NOC2L: variants seen among roughly 807,000 people sequenced by gnomAD.
The protein encoded by NOC2L is nucleolar complex protein 2 homolog.
A neutral mutation model predicts 94.2 loss-of-function variants in NOC2L; 101 were observed. The observed-to-expected ratio is 1.07, with a 90% CI of 0.91 to 1.26. The LOEUF (loss-of-function observed/expected upper bound fraction) is 1.26. NOC2L is among the 50% of genes most tolerant of loss of function. The pLI, the probability that NOC2L is intolerant of heterozygous loss-of-function variation, is 0.00. For synonymous variants in NOC2L, 531 were observed against 413.4 expected (o/e 1.28, Z -3.45); for missense variants, 1,076 against 980.1 (o/e 1.10, Z -1.31).
At position 959,059 on chromosome 1, in the gene NOC2L, C is replaced by T. The variant is rs1198406858; in HGVS notation, c.49G>A (p.Asp17Asn). The T allele has an allele frequency of 1.2e-6, 2 of 1,609,510 alleles. No individual in the cohort carries two copies. The highest frequency in any genetic ancestry group is 2.7e-5 in the African/African-American group (2 of 74,894). ...TCAAAGCCCGAAGCTAGGAACTCGT[C>T]CACCGTCAGCTCCGCCAGGCGCCTG... ...RKRRLAELTV[D>N]EFLASGFDSE... The change falls in exon 2 of 19, where the codon GAC becomes AAC. Residue 17 changes from aspartate (D) to asparagine (N), a missense_variant. Around this residue, in one of 3 missense-constraint regions of NOC2L, gnomAD observed 457 missense variants for 386.0 expected, o/e 1.18. Coordinates refer to ENST00000327044, the MANE Select transcript of NOC2L (RefSeq NM_015658.4).
At chr1:947,171 A>T (rs1387476250) in intron 14 of NOC2L, 1 of 152,326 alleles carries the variant, frequency 6.6e-6, no homozygotes, top group Non-Finnish European at 1.5e-5. Flanking sequence ...AGCCACGTTT[A>T]CCATTTGGCC....
rs754362257 is a variant in NOC2L, at chr1:953,827, C to A, written c.843G>T (p.Val281=). ...GCTTGGGGAAGGTCAGGAAGCAGGG[C>A]ACCAGCACGCTGATGTGCCGCAGCA... The part of the protein sequence containing the change: ...AAVLRHISVL[V]PCFLTFPKQC... The change falls in exon 8 of 19, where the codon GTG becomes GTT. Residue 281 remains valine, a synonymous_variant. Coordinates refer to ENST00000327044, the MANE Select transcript of NOC2L (RefSeq NM_015658.4). The A allele has an allele frequency of 6.2e-7, 1 of 1,613,078 alleles. No homozygotes were observed. Among genetic ancestry groups the A allele is most frequent in the Non-Finnish European group, 8.5e-7 (1 of 1,180,016 alleles).
intron 16 of NOC2L, 66 bp from the exon 17 acceptor site, chr1:945,719 A>G (rs1642087811): frequency 6.2e-7 from 1 of 1,604,840 alleles, no homozygotes; most frequent in African/African-American, 1.3e-5. Context: ...CAGCAGGGCC[A>G]GGCATCGCCA....
Position 956,030 on chromosome 1 carries a change from T to C in NOC2L, c.608-17A>G, listed in dbSNP as rs1230415134. On this transcript the variant is annotated splice_polypyrimidine_tract_variant and intron_variant, in intron 5 of 18. Coordinates refer to ENST00000327044, the MANE Select transcript of NOC2L (RefSeq NM_015658.4). ...CATTGAATGCTGCAACGAAAAGGCC[T>C]GGATGTACTCACGGGACAGAGAACG... is the stretch of plus-strand genomic sequence containing the variant. The C allele has an allele frequency of 1.2e-6, 2 of 1,614,000 alleles. No individual in the cohort carries two copies. Among genetic ancestry groups the C allele is most frequent in the South Asian group, 2.2e-5 (2 of 91,074 alleles).
intron 6 of NOC2L, 98 bp from the exon 7 acceptor site, chr1:954,180 C>T (rs774542619): frequency 2.2e-4 from 251 of 1,157,566 alleles, no homozygotes; most frequent in Non-Finnish European, 2.9e-4. Flanking sequence ...ATAGCCTCTA[C>T]GACTCTGCAG....
intron 12 of NOC2L, among the ~76,000 whole-genome samples, chr1:950,103 TGCACAG>T (rs1215237862): frequency 1.3e-5 from 2 of 151,996 alleles, no homozygotes; most frequent in Non-Finnish European, 2.9e-5. Flanking sequence ...GGCGCACACA[TGCACAG>T]GCACACACGT....
chr1:950,273 G>A (rs781040621), intron 12 of NOC2L, among the ~76,000 whole-genome samples: 5 of 151,402 alleles, frequency 3.3e-5, no homozygotes, highest in African/African-American at 4.9e-5. Context: ...ACACAGACAC[G>A]TGTGTATGCA....
At chr1:955,741 A>C (rs1642383831) in intron 6 of NOC2L, among the ~76,000 whole-genome samples, 182 bp downstream of exon 6, 1 of 152,164 alleles carries the variant, frequency 6.6e-6, no homozygotes, top group African/African-American at 2.4e-5. Flanking sequence ...GGCCGCTCCA[A>C]CTGGCCCCAA....
rs764325657 is a variant in NOC2L at position 946,446 on chromosome 1, G to A, written c.1759C>T (p.Arg587Cys). ...VQENSAYICSRRQRVSFGVSE... is the reference protein window; with the variant it reads ...VQENSAYICSCRQRVSFGVSE... ...ACGCCGAAGGAAACCCTCTGGCGGCGGCTGCAGATGTATGCCGAGTTCTCC... is the reference window on the plus strand; with the variant it reads ...ACGCCGAAGGAAACCCTCTGGCGGCAGCTGCAGATGTATGCCGAGTTCTCC... Residue 587 changes from arginine (R) to cysteine (C), a missense_variant, in exon 15 of 19, where the codon CGC becomes TGC. Coordinates refer to ENST00000327044, the MANE Select transcript of NOC2L (RefSeq NM_015658.4). 2.0e-5 allele frequency: 33 copies of A among 1,613,238 alleles called. No homozygotes were observed. Among genetic ancestry groups the A allele is most frequent in the African/African-American group, 5.3e-5 (4 of 74,916 alleles).
Position 948,144 on chromosome 1 carries a change from G to C in NOC2L, c.1646C>G (p.Pro549Arg). Residue 549 changes from proline (P) to arginine (R), a missense_variant, in exon 14 of 19, where the codon CCT (proline) becomes CGT (arginine). Pro to Arg is a moderately radical substitution (Grantham distance 103, BLOSUM62 -2). Transcript: ENST00000327044. ...CAGGACACACACCTGCAGGACCACA[G>C]GCAGCACCAGCTCCGGGAAGCCGAT... Reference protein sequence around the residue: ...HCIGFPELVLPVVLQLKSFLR... With the variant: ...HCIGFPELVLRVVLQLKSFLR... 6.3e-7 allele frequency: 1 copy of C among 1,588,018 alleles called. No homozygotes were observed. The highest frequency in any genetic ancestry group is 8.6e-7 in the Non-Finnish European group (1 of 1,168,052).
chr1:945,414 G>A, intron 17 of NOC2L, 104 bp downstream of exon 17: 1 of 1,399,636 alleles, frequency 7.1e-7, no homozygotes, highest in Non-Finnish European at 9.8e-7. Flanking sequence ...CCAGAGACTG[G>A]TGAGCCCCCT....
rs1379608286 is a variant in NOC2L at position 951,175 on chromosome 1, G to A, written c.1395C>T (p.Leu465=). Residue 465 remains leucine (L), a synonymous_variant, in exon 12 of 19, where the codon CTC becomes CTT. Transcript: ENST00000327044. The part of the protein sequence containing the change: ...RMHCIRALTL[L]SGSSGAFIPV... ...GGATGAAGGCCCCCGAGCTCCCCGAGAGCAGCGTCAGGGCACGGATGCAGT... is the reference window on the plus strand; with the variant it reads ...GGATGAAGGCCCCCGAGCTCCCCGAAAGCAGCGTCAGGGCACGGATGCAGT... The A allele has an allele frequency of 1.3e-6, 2 of 1,597,388 alleles. No individual in the cohort carries two copies. The highest frequency in any genetic ancestry group is 1.1e-5 in the South Asian group (1 of 87,928).
rs1391031599 is a variant in NOC2L at position 945,655 on chromosome 1, T to G, written c.1918-2A>C. On this transcript the variant is annotated splice_acceptor_variant, in intron 16 of 18. Coordinates refer to ENST00000327044, the MANE Select transcript of NOC2L (RefSeq NM_015658.4). LOFTEE classifies it high-confidence loss of function. ...CTCAGGGAAGTTCAGGTCTTCCAGC[T>G]GGAAGGCCAAAGAACCAGGGGCTCA... The G allele has an allele frequency of 6.8e-6, 11 of 1,614,148 alleles. No homozygotes were observed. Among genetic ancestry groups the G allele is most frequent in the Non-Finnish European group, 9.3e-6 (11 of 1,179,996 alleles).
chr1:955,896 A>AC, intron 6 of NOC2L, 27 bp downstream of exon 6: 2 of 1,285,780 alleles, frequency 1.6e-6, no homozygotes, highest in Admixed American at 1.7e-5. Context: ...CTTCCACCCT[A>AC]CCCCCCTTCA....
intron 17 of NOC2L, 157 bp downstream of exon 17, chr1:945,361 T>C: frequency 2.9e-6 from 3 of 1,027,002 alleles, no homozygotes; most frequent in Non-Finnish European, 4.2e-6. Flanking sequence ...GGGAAGGCGC[T>C]GGCACCAGAA....
At chr1:951,007 A>T in intron 12 of NOC2L, 120 bp downstream of exon 12, 1 of 760,592 alleles carries the variant, frequency 1.3e-6, no homozygotes, top group Non-Finnish European at 2.3e-6. Context: ...GACACCCGTG[A>T]CAAGGAGGCG....
rs746391929 is a variant in NOC2L, at chr1:944,742, C to G, written c.2202G>C (p.Gln734His). The stretch of plus-strand genomic sequence containing the variant: ...GATCCTCCAGCTCGTCCTCCGGCCC[C>G]TGGGCCAGCTGCTGCAGCTCCCCAG... ...LAPGELQQLA[Q>H]GPEDELEDLQ... The change falls in exon 19 of 19, where the codon CAG becomes CAC. Residue 734 changes from glutamine to histidine, a missense_variant. Coordinates refer to ENST00000327044, the MANE Select transcript of NOC2L (RefSeq NM_015658.4). The G allele has an allele frequency of 4.4e-6, 7 of 1,600,708 alleles. No homozygotes were observed. The South Asian group carries it at 5.5e-5, about 13-fold the overall frequency.
chr1:945,101 T>A lies in NOC2L; in HGVS notation c.2099A>T (p.Glu700Val), dbSNP rs1642061613. The A allele has an allele frequency of 6.2e-7, 1 of 1,613,744 alleles. No homozygotes were observed. The highest frequency in any genetic ancestry group is 1.7e-5 in the Admixed American group (1 of 59,926). Residue 700 changes from glutamate (E) to valine (V), a missense_variant, in exon 18 of 19, where the codon GAA (glutamate) becomes GTA (valine). By Grantham distance (121) the Glu-to-Val change is moderately radical (BLOSUM62 -2). Around this residue, in one of 3 missense-constraint regions of NOC2L, gnomAD observed 615 missense variants for 577.4 expected, o/e 1.07. Coordinates refer to ENST00000327044, the MANE Select transcript of NOC2L (RefSeq NM_015658.4). ...LSTRHGVEDD[E>V]EDEEEGEEDS... ...CTCCTCGCCCTCCTCCTCGTCCTCT[T>A]CATCGTCTTCCACCCCATGCCGAGT...
rs902223495 is a variant in NOC2L, at chr1:946,523, C to T, written c.1682G>A (p.Cys561Tyr). 1 of 1,613,104 alleles carries T rather than the reference C, an allele frequency of 6.2e-7. No individual in the cohort carries two copies. The highest frequency in any genetic ancestry group is 8.5e-7 in the Non-Finnish European group (1 of 1,179,864). ...CTGCCGGCAGTAGTTGGCCACCTTG[C>T]ACTCCCGGAGGAACGACTTCAGCTG... ...VLQLKSFLRE[C>Y]KVANYCRQVQ... Residue 561 changes from cysteine (C) to tyrosine (Y), a missense_variant, in exon 15 of 19, where the codon TGC (cysteine) becomes TAC (tyrosine). Transcript: ENST00000327044.
Sources: allele counts gnomAD v4.1 joint callset (sites outside exome capture counted in the v4.1 genomes callset), GRCh38; gene constraint gnomAD v4.1.1; regional missense constraint gnomAD v4.1.1; transcripts MANE v1.5; gene names NCBI Gene and HGNC (gene_info 2026-07-23, HGNC 2026-07-21).